Variants in MFSD6L observed in about 807,000 individuals in gnomAD.
MFSD6L encodes major facilitator superfamily domain-containing protein 6-like.
MFSD6L carries 9 observed loss-of-function variants against 6.4 expected under a neutral mutation model. The ratio of observed to expected loss-of-function variants is 1.42; its 90% CI spans 0.85 to 2.47. MFSD6L has a LOEUF of 2.47. MFSD6L is among the 30% of genes most tolerant of loss of function. The pLI is 0.00. For synonymous variants in MFSD6L, 336 were observed against 322.4 expected (o/e 1.04, Z -0.45); for missense variants, 747 against 730.6 (o/e 1.02, Z -0.26).
chr17:8,798,504 A>C lies in MFSD6L; in HGVS notation c.617T>G (p.Val206Gly). The change falls in exon 1 of 1, where the codon GTC (valine) becomes GGC (glycine). Residue 206 changes from valine to glycine, a missense_variant. Physicochemically the swap from Val to Gly is moderately radical, Grantham distance 109. Transcript: ENST00000329805. ...DHPWEVTFEV[V>G]KTALPLLPGG... ...AGGAAGCAAGGGGAGGGCTGTCTTG[A>C]CCACCTCAAAAGTAACTTCCCAGGG... 2 of 1,610,934 alleles carry C rather than the reference A, an allele frequency of 1.2e-6. No homozygotes were observed. The highest frequency in any genetic ancestry group is 1.7e-6 in the Non-Finnish European group (2 of 1,177,908).
In MFSD6L at chr17:8,797,450, C is replaced by A; in HGVS notation, c.1671G>T (p.Leu557=). Residue 557 remains leucine, a synonymous_variant, in exon 1 of 1, where the codon CTG becomes CTT. Coordinates refer to ENST00000329805, the MANE Select transcript of MFSD6L (RefSeq NM_152599.4). ...RERKIKYSKL[L]SMEVSDTSDS... is the part of the protein sequence containing the mutation. The stretch of plus-strand genomic sequence containing the variant: ...CACTGGTGTCACTCACCTCCATGGA[C>A]AGCAGCTTCGAGTACTTGATTTTCC... 6.2e-7 allele frequency: 1 copy of A among 1,613,828 alleles called. No homozygotes were observed. The highest frequency in any genetic ancestry group is 1.6e-4 in the Middle Eastern group (1 of 6,062).
In MFSD6L at chr17:8,798,995, G is replaced by A; in HGVS notation, c.126C>T (p.Gly42=). 6.2e-7 allele frequency: 1 copy of A among 1,613,752 alleles called. No homozygotes were observed. Among genetic ancestry groups the A allele is most frequent in the Non-Finnish European group, 8.5e-7 (1 of 1,179,984 alleles). ...PFLTLYLRQL[G]LAAPWVGTLM... is the part of the protein sequence containing the mutation. ...GGGTGCCCACCCAGGGCGCGGCCAA[G>A]CCCAGCTGCCTCAGGTAAAGGGTCA... is the stretch of plus-strand genomic sequence containing the variant. Residue 42 remains glycine (G), a synonymous_variant, in exon 1 of 1, where the codon GGC becomes GGT. Coordinates refer to ENST00000329805, the MANE Select transcript of MFSD6L (RefSeq NM_152599.4).
Position 8,797,700 on chromosome 17 carries a change from G to A in MFSD6L, c.1421C>T (p.Ala474Val), listed in dbSNP as rs1328227300. The A allele has an allele frequency of 1.9e-6, 3 of 1,613,806 alleles. No individual in the cohort carries two copies. Among genetic ancestry groups the A allele is most frequent in the East Asian group, 4.5e-5 (2 of 44,880 alleles). The change falls in exon 1 of 1, where the codon GCT becomes GTT. Residue 474 changes from alanine to valine, a missense_variant. Ala to Val is a moderately conservative substitution (Grantham distance 64). Transcript: ENST00000329805. ...SAISNRALWW[A>V]VGASVEDLAT... ...CAGGTCCTCTACTGAGGCCCCCACAGCCCACCACAAAGCTCTGTTGCTAAT... is the reference window on the plus strand; with the variant it reads ...CAGGTCCTCTACTGAGGCCCCCACAACCCACCACAAAGCTCTGTTGCTAAT...
rs763625556 is a variant in MFSD6L at position 8,798,875 on chromosome 17, G to A, written c.246C>T (p.Gly82=). 18 of 1,614,090 alleles carry A rather than the reference G, an allele frequency of 1.1e-5. 1 individual carries two copies. In the South Asian group the frequency reaches 2.0e-4, roughly 18 times the overall value. ...SYRKRRALLI[G]SLLGSVGASL... ...TGGCCCCCACCGAGCCGAGCAGGGAGCCGATCAGAAGCGCTCTCCTTTTCC... is the reference window on the plus strand; with the variant it reads ...TGGCCCCCACCGAGCCGAGCAGGGAACCGATCAGAAGCGCTCTCCTTTTCC... The change falls in exon 1 of 1, where the codon GGC becomes GGT. Residue 82 remains glycine (G), a synonymous_variant. Coordinates refer to ENST00000329805, the MANE Select transcript of MFSD6L (RefSeq NM_152599.4).
In MFSD6L at chr17:8,798,126, G is replaced by T. The variant is rs201433110; in HGVS notation, c.995C>A (p.Thr332Asn). 6.2e-7 allele frequency: 1 copy of T among 1,613,786 alleles called. No homozygotes were observed. Among genetic ancestry groups the T allele is most frequent in the African/African-American group, 1.3e-5 (1 of 74,962 alleles). The part of the protein sequence containing the change: ...VHFYGYSVVS[T>N]LALLVSIAFP... The stretch of plus-strand genomic sequence containing the variant: ...GGCAATGCTCACCAGTAAGGCCAGG[G>T]TGCTGACCACCGAGTACCCATAGAA... The change falls in exon 1 of 1, where the codon ACC becomes AAC. Residue 332 changes from threonine to asparagine, a missense_variant. Physicochemically the swap from Thr to Asn is moderately conservative, Grantham distance 65. Coordinates refer to ENST00000329805, the MANE Select transcript of MFSD6L (RefSeq NM_152599.4).
Position 8,797,130 on chromosome 17 carries a change from T to C in MFSD6L, c.*230A>G, listed in dbSNP as rs1438368458. 4 of 446,432 alleles carry C rather than the reference T, an allele frequency of 9.0e-6. No homozygotes were observed. Among genetic ancestry groups the C allele is most frequent in the Non-Finnish European group, 1.6e-5 (4 of 255,960 alleles). The allele number at this position is 446,432 out of a possible 1,614,324, so 27.7% of individuals were successfully genotyped here. On this transcript the variant is annotated 3_prime_UTR_variant, in exon 1 of 1. Coordinates refer to ENST00000329805, the MANE Select transcript of MFSD6L (RefSeq NM_152599.4). ...GAGGGAACTTTTTAAAAAGCAAATG[T>C]ATTCTTCCTCCATTATCTAAAAAAG...
In MFSD6L at chr17:8,799,071, T is replaced by C; in HGVS notation, c.50A>G (p.Lys17Arg). 1 of 1,599,432 alleles carries C rather than the reference T, an allele frequency of 6.3e-7. No individual in the cohort carries two copies. The highest frequency in any genetic ancestry group is 1.3e-5 in the African/African-American group (1 of 74,674). Residue 17 changes from lysine (K) to arginine (R), a missense_variant, in exon 1 of 1, where the codon AAG (lysine) becomes AGG (arginine). Coordinates refer to ENST00000329805, the MANE Select transcript of MFSD6L (RefSeq NM_152599.4). The surrounding 1 kb of genome is among the most constrained non-coding windows in gnomAD (Gnocchi z 5.3). ...CACCCCGCACACCAGGTGGAAGAGC[T>C]TGGCCACCCCCAGCGCCCTGCTGAT... ...WDISRALGVA[K>R]LFHLVCGVRE... is the part of the protein sequence containing the mutation.
chr17:8,798,250 T>C lies in MFSD6L; in HGVS notation c.871A>G (p.Arg291Gly), dbSNP rs770198237. The C allele has an allele frequency of 1.2e-6, 2 of 1,609,460 alleles. No homozygotes were observed. The highest frequency in any genetic ancestry group is 2.2e-5 in the South Asian group (2 of 91,082). Residue 291 changes from arginine (R) to glycine (G), a missense_variant, in exon 1 of 1, where the codon AGG becomes GGG. Transcript: ENST00000329805. ...TDRYRSLWVW[R>G]LLGMSAGVCG... Reference sequence around the variant, plus strand: ...ACGCCTGCCGACATGCCCAGCAACCTCCAGACCCACAGGCTTCTGTATCGG... The same window carrying C: ...ACGCCTGCCGACATGCCCAGCAACCCCCAGACCCACAGGCTTCTGTATCGG...
rs1339434854 is a variant in MFSD6L, at chr17:8,799,217, G to A, written c.-97C>T. On this transcript the variant is annotated 5_prime_UTR_variant, in exon 1 of 1. Coordinates refer to ENST00000329805, the MANE Select transcript of MFSD6L (RefSeq NM_152599.4). This position sits in a 1 kb window ranked among gnomAD's most constrained non-coding sequence, Gnocchi z 5.3. ...ACCCGGGAGGGAGGCTTGGGGGACC[G>A]GGGCTCGGAGCGAGTGGGACTGCGC... 28 of 1,170,106 alleles carry A rather than the reference G, an allele frequency of 2.4e-5. No homozygotes were observed. Among genetic ancestry groups the A allele is most frequent in the Non-Finnish European group, 3.2e-5 (28 of 866,058 alleles). The allele number at this position is 1,170,106 out of a possible 1,614,324, so 72.5% of individuals were successfully genotyped here. A position where few individuals can be genotyped will look rare whatever the true frequency, so the allele number is the denominator to read the frequency against.
rs2087021745 is a variant in MFSD6L at position 8,798,794 on chromosome 17, A to G, written c.327T>C (p.Cys109=). The stretch of plus-strand genomic sequence containing the variant: ...TGCTGGTCAGGCCGCTGCTTCCATT[A>G]CAAGGGAAGTGCACCCGATTTTTGT... ...PVDKNRVHFP[C]NGSSGLTSTD... The change falls in exon 1 of 1, where the codon TGT becomes TGC. Residue 109 remains cysteine (C), a synonymous_variant. Transcript: ENST00000329805. 7 of 1,614,014 alleles carry G rather than the reference A, an allele frequency of 4.3e-6. No individual in the cohort carries two copies. Among genetic ancestry groups the G allele is most frequent in the South Asian group, 3.3e-5 (3 of 91,072 alleles).
Position 8,797,901 on chromosome 17 carries a change from A to T in MFSD6L, c.1220T>A (p.Val407Asp). The T allele has an allele frequency of 6.2e-7, 1 of 1,613,964 alleles. No homozygotes were observed. ...AATTTCCCCCAGCAAGCTGAGGGCGACCGAGAAACCCATGACCAGCTCGCC... is the reference window on the plus strand; with the variant it reads ...AATTTCCCCCAGCAAGCTGAGGGCGTCCGAGAAACCCATGACCAGCTCGCC... ...GSGELVMGFS[V>D]ALSLLGEILL... The change falls in exon 1 of 1, where the codon GTC becomes GAC. Residue 407 changes from valine to aspartate, a missense_variant. By Grantham distance (152) the Val-to-Asp change is radical. Coordinates refer to ENST00000329805, the MANE Select transcript of MFSD6L (RefSeq NM_152599.4).
Position 8,799,282 on chromosome 17 carries a change from C to A in MFSD6L, c.-162G>T. On this transcript the variant is annotated 5_prime_UTR_variant, in exon 1 of 1. Coordinates refer to ENST00000329805, the MANE Select transcript of MFSD6L (RefSeq NM_152599.4). The surrounding 1 kb of genome is among the most constrained non-coding windows in gnomAD (Gnocchi z 5.3). ...GGCGCCGCGGTCACCAGGTCAACGG[C>A]CGCCCCCGGCCACAGCCCCCAGGTC... 1.9e-6 allele frequency: 1 copy of A among 522,654 alleles called. No individual in the cohort carries two copies. Among genetic ancestry groups the A allele is most frequent in the Non-Finnish European group, 3.1e-6 (1 of 325,208 alleles). 32.4% of individuals were successfully genotyped at this position (522,654 alleles called of 1,614,324 possible).
rs759860293 is a variant in MFSD6L, at chr17:8,798,866, G to C, written c.255C>G (p.Leu85=). The change falls in exon 1 of 1, where the codon CTC becomes CTG. Residue 85 remains leucine, a synonymous_variant. Coordinates refer to ENST00000329805, the MANE Select transcript of MFSD6L (RefSeq NM_152599.4). The stretch of plus-strand genomic sequence containing the variant: ...TCAGCAGGCTGGCCCCCACCGAGCC[G>C]AGCAGGGAGCCGATCAGAAGCGCTC... The part of the protein sequence containing the change: ...KRRALLIGSL[L]GSVGASLLMV... The C allele has an allele frequency of 1.2e-6, 2 of 1,613,968 alleles. No homozygotes were observed. Among genetic ancestry groups the C allele is most frequent in the Non-Finnish European group, 8.5e-7 (1 of 1,180,036 alleles).
chr17:8,797,888 C>T lies in MFSD6L; in HGVS notation c.1233G>A (p.Leu411=). Residue 411 remains leucine (L), a synonymous_variant, in exon 1 of 1, where the codon TTG becomes TTA. Coordinates refer to ENST00000329805, the MANE Select transcript of MFSD6L (RefSeq NM_152599.4). The stretch of plus-strand genomic sequence containing the variant: ...ACGGATGAAGCAGAATTTCCCCCAG[C>T]AAGCTGAGGGCGACCGAGAAACCCA... ...LVMGFSVALS[L]LGEILLHPFK... is the part of the protein sequence containing the mutation. The T allele has an allele frequency of 6.2e-7, 1 of 1,614,090 alleles. No homozygotes were observed. The highest frequency in any genetic ancestry group is 8.5e-7 in the Non-Finnish European group (1 of 1,180,022).
Position 8,798,542 on chromosome 17 carries a change from C to T in MFSD6L, c.579G>A (p.Gly193=). 6.2e-7 allele frequency: 1 copy of T among 1,613,850 alleles called. No homozygotes were observed. The highest frequency in any genetic ancestry group is 8.5e-7 in the Non-Finnish European group (1 of 1,179,802). ...SQALLHPVTS[G]LKDHPWEVTF... ...TAACTTCCCAGGGATGATCTTTCAG[C>T]CCCGAAGTGACAGGATGGAGGAGAG... The change falls in exon 1 of 1, where the codon GGG becomes GGA. Residue 193 remains glycine (G), a synonymous_variant. Transcript: ENST00000329805.
At position 8,797,900 on chromosome 17, in the gene MFSD6L, G is replaced by A. The variant is rs369757220; in HGVS notation, c.1221C>T (p.Val407=). 5.0e-6 allele frequency: 8 copies of A among 1,613,850 alleles called. No homozygotes were observed. Among genetic ancestry groups the A allele is most frequent in the African/African-American group, 4.0e-5 (3 of 74,906 alleles). The change falls in exon 1 of 1, where the codon GTC becomes GTT. Residue 407 remains valine (V), a synonymous_variant. Coordinates refer to ENST00000329805, the MANE Select transcript of MFSD6L (RefSeq NM_152599.4). ...GSGELVMGFS[V]ALSLLGEILL... ...GAATTTCCCCCAGCAAGCTGAGGGC[G>A]ACCGAGAAACCCATGACCAGCTCGC...
At position 8,797,621 on chromosome 17, in the gene MFSD6L, G is replaced by A. The variant is rs749850262; in HGVS notation, c.1500C>T (p.Tyr500=). 62 of 1,613,236 alleles carry A rather than the reference G, an allele frequency of 3.8e-5. No individual in the cohort carries two copies. The highest frequency in any genetic ancestry group is 5.0e-5 in the Non-Finnish European group (59 of 1,179,992). ...ALSALFRGHF[Y]GSGCSLGSFV... ...AGCTGCCCAGGCTACAGCCACTCCC[G>A]TAAAAGTGGCCTCGGAACAAGGCAC... is the stretch of plus-strand genomic sequence containing the variant. Residue 500 remains tyrosine, a synonymous_variant, in exon 1 of 1, where the codon TAC becomes TAT. Coordinates refer to ENST00000329805, the MANE Select transcript of MFSD6L (RefSeq NM_152599.4).
rs147150697 is a variant in MFSD6L at position 8,797,459 on chromosome 17, C to T, written c.1662G>A (p.Ser554=). The T allele has an allele frequency of 1.9e-5, 30 of 1,613,878 alleles. No individual in the cohort carries two copies. The highest frequency in any genetic ancestry group is 1.2e-4 in the African/African-American group (9 of 74,914). Residue 554 remains serine (S), a synonymous_variant, in exon 1 of 1, where the codon TCG becomes TCA. Coordinates refer to ENST00000329805, the MANE Select transcript of MFSD6L (RefSeq NM_152599.4). ...CACTCACCTCCATGGACAGCAGCTT[C>T]GAGTACTTGATTTTCCGCTCTCGGG... ...RLPRERKIKY[S]KLLSMEVSDT...
chr17:8,797,999 G>A lies in MFSD6L; in HGVS notation c.1122C>T (p.Thr374=). 1 of 1,614,014 alleles carries A rather than the reference G, an allele frequency of 6.2e-7. No individual in the cohort carries two copies. The highest frequency in any genetic ancestry group is 8.5e-7 in the Non-Finnish European group (1 of 1,180,026). ...TGACGATGGCTCCTACCAAAACAGT[G>A]GTGGAGGCGAGGAGAATGAGGTGGG... The part of the protein sequence containing the change: ...GDPHLILLAS[T]TVLVGAIVST... The change falls in exon 1 of 1, where the codon ACC becomes ACT. Residue 374 remains threonine (T), a synonymous_variant. Transcript: ENST00000329805.
Sources: gnomAD v4.1 joint callset for allele counts on GRCh38, gnomAD v4.1.1 for gene constraint, Gnocchi (gnomAD v3.1) non-coding constraint, MANE v1.5 for transcripts, NCBI Gene and HGNC (gene_info 2026-07-23, HGNC 2026-07-21) for gene names.